MET: variants seen among roughly 807,000 people sequenced by gnomAD.
MET encodes hepatocyte growth factor receptor.
MET carries 48 observed loss-of-function variants against 133.1 expected under a neutral mutation model. That is an observed-to-expected ratio of 0.36 (90% CI 0.29 to 0.46). MET has a LOEUF of 0.46. Ranked by LOEUF, MET falls within the 20% of genes least tolerant of loss-of-function variation. The probability of loss-of-function intolerance (pLI) is 1.00; values close to 1 mark genes in which losing one functional copy is unlikely to be tolerated. For missense variants in MET, 1,442 were observed against 1,695.9 expected (o/e 0.85, Z 2.63); for synonymous variants, 628 against 616.5 (o/e 1.02, Z -0.28).
intron 1 of MET, among the ~76,000 whole-genome samples, chr7:116,693,492 G>A (rs1325105583): frequency 6.6e-6 from 1 of 152,174 alleles, no homozygotes; most frequent in African/African-American, 2.4e-5. Flanking sequence ...GAGGAGTTGG[G>A]TGACTTGCCT....
intron 5 of MET, among the ~76,000 whole-genome samples, chr7:116,753,480 G>A (rs554628410): frequency 3.9e-5 from 6 of 152,228 alleles, no homozygotes; most frequent in Admixed American, 6.5e-5. Flanking sequence ...CTTTATAGGT[G>A]CCTAATGCGG....
chr7:116,783,152 T>G, intron 18 of MET, 152 bp from the exon 19 acceptor site: 1 of 816,516 alleles, frequency 1.2e-6, no homozygotes, highest in Non-Finnish European at 2.0e-6. Flanking sequence ...TCTGTTGTAA[T>G]TTAGTGTTAG....
intron 2 of MET, among the ~76,000 whole-genome samples, chr7:116,718,740 G>A (rs1442519055): frequency 6.7e-6 from 1 of 148,964 alleles, no homozygotes; most frequent in African/African-American, 2.5e-5. Flanking sequence ...AGAATATGCG[G>A]TGTTTGGTTT....
chr7:116,773,443 T>A (rs1160401756), intron 14 of MET, among the ~76,000 whole-genome samples: 1 of 152,210 alleles, frequency 6.6e-6, no homozygotes, highest in African/African-American at 2.4e-5. Flanking sequence ...AGGGCTTTTA[T>A]CCATGTCTCA....
chr7:116,694,346 T>C (rs374996827), intron 1 of MET, among the ~76,000 whole-genome samples: 1 of 152,142 alleles, frequency 6.6e-6, no homozygotes, highest in East Asian at 1.9e-4. Flanking sequence ...CCTAGTCCCA[T>C]TTTTTTCTTT....
intron 8 of MET, 140 bp downstream of exon 8, chr7:116,757,914 T>A: frequency 1.1e-6 from 1 of 918,348 alleles, no homozygotes; most frequent in Non-Finnish European, 1.7e-6. Context: ...CTGACAAAAC[T>A]TCCTCCTTCC....
Position 116,798,005 on chromosome 7 carries a change from T to C in MET, c.*1881T>C, listed in dbSNP as rs1795729350. The C allele has an allele frequency of 1.4e-5, 3 of 220,544 alleles. No individual in the cohort carries two copies. The East Asian group carries it at 2.0e-4, about 15-fold the overall frequency. 13.7% of individuals were successfully genotyped at this position (220,544 alleles called of 1,614,324 possible). ...AATCCAAATATTGCCGTTTCATAAATGTAATAAGTAATACTAATTCACAGA... is the reference window on the plus strand; with the variant it reads ...AATCCAAATATTGCCGTTTCATAAACGTAATAAGTAATACTAATTCACAGA... On this transcript the variant is annotated 3_prime_UTR_variant, in exon 21 of 21. Coordinates refer to ENST00000397752, the MANE Select transcript of MET (RefSeq NM_000245.4).
At chr7:116,758,161 G>T (rs1370049783) in intron 8 of MET, among the ~76,000 whole-genome samples, 1 of 152,142 alleles carries the variant, frequency 6.6e-6, no homozygotes, top group Non-Finnish European at 1.5e-5. Context: ...ATTGGGTCTG[G>T]AAGACAGTTA....
intron 3 of MET, among the ~76,000 whole-genome samples, chr7:116,734,810 A>G (rs890643346): frequency 4.6e-5 from 7 of 152,206 alleles, no homozygotes; most frequent in Non-Finnish European, 8.8e-5. Flanking sequence ...ACATTAACAC[A>G]GTGTACACAG....
chr7:116,754,949 A>AAGAG (rs1307806710), intron 5 of MET, among the ~76,000 whole-genome samples: 2 of 129,288 alleles, frequency 1.5e-5, no homozygotes, highest in African/African-American at 5.7e-5. Context: ...GAAAGAAAGA[A>AAGAG]AGAGAAAGAA....
At chr7:116,752,783 A>C (rs1203709326) in intron 5 of MET, among the ~76,000 whole-genome samples, 1 of 152,084 alleles carries the variant, frequency 6.6e-6, no homozygotes, top group Non-Finnish European at 1.5e-5. Flanking sequence ...ATGTGTGTAG[A>C]GTGACAGACT....
At chr7:116,757,880 G>T (rs763003602) in intron 8 of MET, 106 bp downstream of exon 8, 1 of 1,312,390 alleles carries the variant, frequency 7.6e-7, no homozygotes, top group Non-Finnish European at 1.1e-6. Context: ...GAAAAATCAA[G>T]ATGTTTATTT....
chr7:116,683,401 T>C (rs1373034124), intron 1 of MET, among the ~76,000 whole-genome samples: 1 of 152,232 alleles, frequency 6.6e-6, no homozygotes, highest in African/African-American at 2.4e-5. Flanking sequence ...CATTCTTTTT[T>C]ATGTCTGCAT....
At chr7:116,791,873 C>T (rs566843188) in intron 19 of MET, among the ~76,000 whole-genome samples, 3 of 152,144 alleles carry the variant, frequency 2.0e-5, no homozygotes, top group Non-Finnish European at 4.4e-5. Context: ...CCATGTTGGC[C>T]AGGCTCCTGA....
chr7:116,713,572 A>G (rs1165146285), intron 2 of MET, among the ~76,000 whole-genome samples: 3 of 151,194 alleles, frequency 2.0e-5, no homozygotes, highest in Admixed American at 2.0e-4. Context: ...GAACTGAGTA[A>G]GGGCCTCTGG....
intron 2 of MET, among the ~76,000 whole-genome samples, chr7:116,716,284 G>GGAGAGAGAGAGAGAGA (rs564115135): frequency 3.2e-4 from 12 of 38,058 alleles, no homozygotes; most frequent in East Asian, 9.5e-4. Context: ...AGGGAGAGAG[G>GGAGAGAGAGAGAGAGA]GAGAGAGAGA....
intron 1 of MET, among the ~76,000 whole-genome samples, chr7:116,689,054 T>C (rs1297424041): frequency 1.3e-5 from 2 of 152,198 alleles, no homozygotes; most frequent in East Asian, 3.8e-4. Flanking sequence ...ATAAGCTCAT[T>C]TATTATAAAT....
At chr7:116,759,245 A>T (rs1417419562) in intron 9 of MET, 146 bp from the exon 10 acceptor site, 5 of 1,209,622 alleles carry the variant, frequency 4.1e-6, no homozygotes, top group Non-Finnish European at 5.7e-6. Flanking sequence ...GTTGTTTCCA[A>T]AGAACAGTTA....
chr7:116,695,208 A>G (rs1188552152), intron 1 of MET, among the ~76,000 whole-genome samples: 4 of 152,140 alleles, frequency 2.6e-5, no homozygotes, highest in Non-Finnish European at 5.9e-5. Context: ...TTTTCACATA[A>G]TATTTATTTT....
Sources: gnomAD v4.1 joint callset for allele counts (sites outside exome capture counted in the v4.1 genomes callset) on GRCh38, gnomAD v4.1.1 for gene constraint, MANE v1.5 for transcripts, NCBI Gene and HGNC (gene_info 2026-07-23, HGNC 2026-07-21) for gene names.